The following PLEKHH2 variants were observed in gnomAD, a reference collection of about 807,000 sequenced individuals.
PLEKHH2 encodes the protein pleckstrin homology domain-containing family H member 2.
Under a neutral mutation model 187.9 loss-of-function variants are expected in PLEKHH2, and 129 were observed. The ratio of observed to expected loss-of-function variants is 0.69; its 90% CI spans 0.59 to 0.79. The LOEUF is 0.79. Ranked by LOEUF, PLEKHH2 falls within the 30% of genes least tolerant of loss-of-function variation. The pLI, the probability that PLEKHH2 is intolerant of heterozygous loss-of-function variation, is 0.00. For missense variants in PLEKHH2, 2,076 were observed against 1,751.2 expected (o/e 1.19, Z -3.31); for synonymous variants, 686 against 605.6 (o/e 1.13, Z -1.95).
At chr2:43,674,173 C>G (rs939144039) in intron 2 of PLEKHH2, among the ~76,000 whole-genome samples, 1 of 152,158 alleles carries the variant, frequency 6.6e-6, no homozygotes, top group African/African-American at 2.4e-5. Context: ...CCTGTTATCA[C>G]TAGAAACTAT....
At chr2:43,686,761 T>G (rs903143901) in intron 3 of PLEKHH2, among the ~76,000 whole-genome samples, 2 of 152,214 alleles carry the variant, frequency 1.3e-5, no homozygotes, top group African/African-American at 4.8e-5. Flanking sequence ...AAAATTATAA[T>G]CAACTTGCTG....
intron 2 of PLEKHH2, among the ~76,000 whole-genome samples, chr2:43,648,517 C>A (rs1349080227): frequency 6.7e-6 from 1 of 149,326 alleles, no homozygotes; most frequent in Non-Finnish European, 1.5e-5. Flanking sequence ...AATGGACACA[C>A]TGGTTAAGTG....
intron 14 of PLEKHH2, 157 bp from the exon 15 acceptor site, chr2:43,712,068 C>G: frequency 1.6e-6 from 2 of 1,283,352 alleles, no homozygotes; most frequent in South Asian, 1.6e-5. Flanking sequence ...TTAAAATATT[C>G]TAACTGATAT....
chr2:43,659,301 C>G (rs1454024362), intron 2 of PLEKHH2, among the ~76,000 whole-genome samples: 1 of 151,722 alleles, frequency 6.6e-6, no homozygotes, highest in East Asian at 1.9e-4. Flanking sequence ...CTGGCAAAGA[C>G]TTTAAACTGG....
chr2:43,700,623 G>T lies in PLEKHH2; in HGVS notation c.1650+15G>T. ...TTCCTTCTTGGGTAATTATATCACC[G>T]CATGTAACACATACGCAGTAGTTTT... On this transcript the variant is annotated intron_variant, in intron 8 of 29. Coordinates refer to ENST00000282406, the MANE Select transcript of PLEKHH2 (RefSeq NM_172069.4). 6.3e-7 allele frequency: 1 copy of T among 1,593,858 alleles called. No homozygotes were observed. Among genetic ancestry groups the T allele is most frequent in the African/African-American group, 1.3e-5 (1 of 74,468 alleles).
At chr2:43,671,519 A>G (rs956827679) in intron 2 of PLEKHH2, among the ~76,000 whole-genome samples, 8 of 152,164 alleles carry the variant, frequency 5.3e-5, no homozygotes, top group African/African-American at 1.4e-4. Flanking sequence ...AACCTTGAGT[A>G]GAAGTGGTAA....
Position 43,692,648 on chromosome 2 carries a change from G to C in PLEKHH2, c.321G>C (p.Leu107Phe). The C allele has an allele frequency of 6.2e-7, 1 of 1,612,678 alleles. No homozygotes were observed. Among genetic ancestry groups the C allele is most frequent in the Admixed American group, 1.7e-5 (1 of 59,856 alleles). ...ATGACGTCATTCAAAACTTGGAATT[G>C]CAACTTGAAGAGCAGGTTAGGAAGA... ...EKDDVIQNLE[L>F]QLEEQKQIRI... The change falls in exon 4 of 30, where the codon TTG becomes TTC. Residue 107 changes from leucine to phenylalanine, a missense_variant. Coordinates refer to ENST00000282406, the MANE Select transcript of PLEKHH2 (RefSeq NM_172069.4).
chr2:43,639,933 A>C (rs1419804142), intron 1 of PLEKHH2, among the ~76,000 whole-genome samples: 3 of 152,088 alleles, frequency 2.0e-5, no homozygotes, highest in Non-Finnish European at 4.4e-5. Flanking sequence ...CTGGGATTAC[A>C]GGAGTGAGCC....
chr2:43,715,282 A>G (rs554195948), intron 15 of PLEKHH2, among the ~76,000 whole-genome samples: 97 of 151,738 alleles, frequency 6.4e-4, no homozygotes, highest in Non-Finnish European at 1.0e-3. Flanking sequence ...CTAAAAAAAA[A>G]GAAAAAAAGA....
intron 4 of PLEKHH2, among the ~76,000 whole-genome samples, chr2:43,693,404 A>T (rs929121674): frequency 6.6e-6 from 1 of 152,158 alleles, no homozygotes; most frequent in Non-Finnish European, 1.5e-5. Flanking sequence ...AAATGTGTAC[A>T]CCATTTTTGA....
intron 6 of PLEKHH2, 124 bp downstream of exon 6, chr2:43,695,348 G>A (rs551399267): frequency 1.2e-5 from 6 of 487,124 alleles, no homozygotes; most frequent in African/African-American, 7.9e-5. Flanking sequence ...TAAAATGAAA[G>A]AGAATTACTA....
Position 43,679,679 on chromosome 2 carries a change from A to G in PLEKHH2, c.186+754A>G, listed in dbSNP as rs886963542. On this transcript the variant is annotated intron_variant, in intron 3 of 29. Coordinates refer to ENST00000282406, the MANE Select transcript of PLEKHH2 (RefSeq NM_172069.4). Reference sequence around the variant, plus strand: ...CCCGGCTAATTTTTATATTGTTAGTAGAGATGGGGTTTGTTGGCCAGGATG... The same window carrying G: ...CCCGGCTAATTTTTATATTGTTAGTGGAGATGGGGTTTGTTGGCCAGGATG... 2.6e-5 allele frequency: 5 copies of G among 194,468 alleles called. No individual in the cohort carries two copies. The Admixed American group carries it at 3.0e-4, about 12-fold the overall frequency. 12.0% of individuals were successfully genotyped at this position (194,468 alleles called of 1,614,324 possible). A position where few individuals can be genotyped will look rare whatever the true frequency, so the allele number is the denominator to read the frequency against.
intron 2 of PLEKHH2, chr2:43,675,377 A>C (rs1667696164): frequency 1.9e-6 from 3 of 1,574,838 alleles, no homozygotes; most frequent in Admixed American, 3.6e-5. Flanking sequence ...TCCAGGCCTC[A>C]GTCATTTTCT....
In PLEKHH2 at chr2:43,701,172, G is replaced by C. The variant is rs186704545; in HGVS notation, c.1650+564G>C. ...TGAACTTTGAGATTAGCTGGATTGA[G>C]TCACCTGTTCCCAGGAAGCCCTGGA... On this transcript the variant is annotated intron_variant, in intron 8 of 29. Transcript: ENST00000282406. Among the ~76,000 whole-genome samples, 455 of 152,316 alleles carry C rather than the reference G, an allele frequency of 3.0e-3. 2 individuals carry two copies. The highest frequency in any genetic ancestry group is 0.011 in the African/African-American group (450 of 41,572).
rs1053714197 is a variant in PLEKHH2, at chr2:43,707,341, T to C, written c.1822-60T>C. 3.1e-6 allele frequency: 5 copies of C among 1,593,780 alleles called. No homozygotes were observed. The African/African-American group carries it at 6.7e-5, about 21-fold the overall frequency. On this transcript the variant is annotated intron_variant, in intron 10 of 29. Transcript: ENST00000282406. ...GGCGACCCTAATAACTAGCAGCCTT[T>C]TCTTGGATGAGTGGTAACATTAGGG... is the stretch of plus-strand genomic sequence containing the variant.
intron 17 of PLEKHH2, among the ~76,000 whole-genome samples, chr2:43,728,131 A>G (rs1169670748): frequency 6.6e-6 from 1 of 152,308 alleles, no homozygotes; most frequent in African/African-American, 2.4e-5. Flanking sequence ...AAGAGTTCCT[A>G]AAAGTTTTCT....
chr2:43,742,657 A>G (rs2104598126), intron 21 of PLEKHH2, 84 bp from the exon 22 acceptor site: 2 of 1,054,692 alleles, frequency 1.9e-6, no homozygotes, highest in South Asian at 2.1e-5. Flanking sequence ...GTGATAATGT[A>G]CACGGATGCT....
At chr2:43,667,319 G>A (rs1355893875) in intron 2 of PLEKHH2, among the ~76,000 whole-genome samples, 1 of 152,154 alleles carries the variant, frequency 6.6e-6, no homozygotes, top group Non-Finnish European at 1.5e-5. Flanking sequence ...AAAAATTGAA[G>A]GTCTCATACA....
chr2:43,654,251 G>C (rs570654377), intron 2 of PLEKHH2, among the ~76,000 whole-genome samples: 1 of 152,142 alleles, frequency 6.6e-6, no homozygotes, highest in Non-Finnish European at 1.5e-5. Context: ...CTGGAGTGCA[G>C]TGTTGAGATC....
Sources: allele counts gnomAD v4.1 joint callset (sites outside exome capture counted in the v4.1 genomes callset), GRCh38; gene constraint gnomAD v4.1.1; transcripts MANE v1.5; gene names NCBI Gene and HGNC (gene_info 2026-07-23, HGNC 2026-07-21).